The following LUC7L variants were observed in gnomAD, a reference collection of about 807,000 sequenced individuals.
LUC7L encodes putative RNA-binding protein Luc7-like 1.
A neutral mutation model predicts 51.1 loss-of-function variants in LUC7L; 29 were observed. The ratio of observed to expected loss-of-function variants is 0.57; its 90% CI spans 0.42 to 0.77. The LOEUF (loss-of-function observed/expected upper bound fraction) is 0.77, where lower values mean the gene tolerates loss of function less well. LUC7L is among the 30% of genes least tolerant of loss of function. The pLI is 0.00. For synonymous variants in LUC7L, 181 were observed against 180.7 expected (o/e 1.00, Z -0.01); for missense variants, 403 against 511.9 (o/e 0.79, Z 2.05).
chr16:216,018 T>C (rs2142096536), intron 3 of LUC7L, among the ~76,000 whole-genome samples: 1 of 152,126 alleles, frequency 6.6e-6, no homozygotes, highest in Non-Finnish European at 1.5e-5. Flanking sequence ...GTTTTTTTTT[T>C]GAGATGGGAT....
rs376022499 is a variant in LUC7L, at chr16:189,267, C to T, written c.1047G>A (p.Trp349Ter). The T allele has an allele frequency of 6.2e-7, 1 of 1,613,972 alleles. No individual in the cohort carries two copies. The highest frequency in any genetic ancestry group is 8.5e-7 in the Non-Finnish European group (1 of 1,179,996). The change falls in exon 10 of 10, where the codon TGG becomes TGA. Residue 349 changes from tryptophan to a stop codon, truncating the protein, a stop_gained. Coordinates refer to ENST00000293872, the MANE Select transcript of LUC7L (RefSeq NM_201412.3). LOFTEE classifies it high-confidence loss of function. ...TCTTCCCGTTGGAGCTCTCAAGCCT[C>T]CAGTCCGGGGGCCCTCGCTCGCTCC... ...SGRSERGPPD[W>*]RLESSNGKMA... is the part of the protein sequence containing the mutation.
rs2049551260 is a variant in LUC7L at position 208,577 on chromosome 16, G to A, written c.256-389C>T. 6 of 1,029,684 alleles carry A rather than the reference G, an allele frequency of 5.8e-6. No homozygotes were observed. In the South Asian group the frequency reaches 1.9e-4, roughly 33 times the overall value. 63.8% of individuals were successfully genotyped at this position (1,029,684 alleles called of 1,614,324 possible). ...TGGAGGCCCTCTTCTGGGGAGTTGT[G>A]AGAGATGCATATGATGTACTCACTG... On this transcript the variant is annotated intron_variant, in intron 3 of 9. Coordinates refer to ENST00000293872, the MANE Select transcript of LUC7L (RefSeq NM_201412.3).
intron 7 of LUC7L, 133 bp downstream of exon 7, chr16:192,794 G>A (rs565115845): frequency 1.5e-5 from 12 of 798,544 alleles, no homozygotes; most frequent in African/African-American, 1.4e-4. Flanking sequence ...TGAGCCGCCA[G>A]GCCTGGCCTT....
intron 5 of LUC7L, among the ~76,000 whole-genome samples, chr16:204,925 C>T (rs768681648): frequency 3.9e-5 from 6 of 152,168 alleles, no homozygotes; most frequent in Non-Finnish European, 8.8e-5. Context: ...TCACTTTTTA[C>T]TGCAGTAGGA....
At chr16:229,223 G>A in intron 1 of LUC7L, 56 bp downstream of exon 1, 1 of 1,511,212 alleles carries the variant, frequency 6.6e-7, no homozygotes, top group Non-Finnish European at 8.8e-7. Flanking sequence ...AGGCCGCCCG[G>A]CGGCCTCGCC....
chr16:202,188 C>A (rs1230383397), intron 5 of LUC7L, among the ~76,000 whole-genome samples: 3 of 152,052 alleles, frequency 2.0e-5, no homozygotes, highest in African/African-American at 7.2e-5. Flanking sequence ...CCTCCATAAG[C>A]TTTTACGCTG....
chr16:218,035 A>AG (rs2049856620), intron 3 of LUC7L, among the ~76,000 whole-genome samples: 1 of 151,504 alleles, frequency 6.6e-6, no homozygotes, highest in South Asian at 2.1e-4. Context: ...CCAAAAAAAA[A>AG]AAAAAAAATT....
intron 7 of LUC7L, among the ~76,000 whole-genome samples, chr16:190,989 T>A (rs979273739): frequency 6.6e-6 from 1 of 152,182 alleles, no homozygotes; most frequent in East Asian, 1.9e-4. Context: ...AAAGACCTGC[T>A]GTTTTCAAGC....
intron 6 of LUC7L, among the ~76,000 whole-genome samples, chr16:197,033 G>A (rs539074556): frequency 1.1e-4 from 17 of 148,580 alleles, no homozygotes; most frequent in East Asian, 6.0e-4. Flanking sequence ...TCGGCCTCCC[G>A]AGTAGCTGGG....
At chr16:219,881 A>G (rs2049917539) in intron 3 of LUC7L, among the ~76,000 whole-genome samples, 1 of 152,174 alleles carries the variant, frequency 6.6e-6, no homozygotes, top group African/African-American at 2.4e-5. Flanking sequence ...AAAAAAAAAA[A>G]AGAATTTACT....
Position 189,211 on chromosome 16 carries a change from G to A in LUC7L, c.1103C>T (p.Ala368Val). ...CGGGAGACGGGTTCAGATCTCGCCG[G>A]CCTCCTTCTCTTCTGACCTCCGTGA... ...MASRRSEEKE[A>V]GEI The change falls in exon 10 of 10, where the codon GCC becomes GTC. Residue 368 changes from alanine to valine, a missense_variant. This residue lies in a region of LUC7L where 206 missense variants were observed against 218.3 expected (regional missense o/e 0.94). Coordinates refer to ENST00000293872, the MANE Select transcript of LUC7L (RefSeq NM_201412.3). 1 of 1,613,472 alleles carries A rather than the reference G, an allele frequency of 6.2e-7. No individual in the cohort carries two copies. The highest frequency in any genetic ancestry group is 1.1e-5 in the South Asian group (1 of 90,952).
chr16:228,936 A>G, intron 1 of LUC7L: 1 of 1,389,294 alleles, frequency 7.2e-7, no homozygotes, highest in Non-Finnish European at 9.5e-7. Flanking sequence ...AGCGACCTGG[A>G]GCCCACGCTG....
At chr16:198,940 A>G (rs962767005) in intron 6 of LUC7L, 122 bp downstream of exon 6, 24 of 935,454 alleles carry the variant, frequency 2.6e-5, no homozygotes, top group Non-Finnish European at 3.5e-5. Flanking sequence ...TCGGCCTCCC[A>G]AAGTGCTGGG....
At chr16:216,844 GCCA>G (rs1478999362) in intron 3 of LUC7L, among the ~76,000 whole-genome samples, 1 of 152,012 alleles carries the variant, frequency 6.6e-6, no homozygotes, top group East Asian at 1.9e-4. Flanking sequence ...CAAGGCACAT[GCCA>G]CCACGCCTGG....
chr16:193,333 G>A (rs1282141395), intron 6 of LUC7L, among the ~76,000 whole-genome samples: 1 of 151,912 alleles, frequency 6.6e-6, no homozygotes, highest in Admixed American at 6.6e-5. Flanking sequence ...TTTTAGTAGA[G>A]ATGGGGTTTC....
At position 213,490 on chromosome 16, in the gene LUC7L, C is replaced by T. The variant is rs555121268; in HGVS notation, c.256-5302G>A. On this transcript the variant is annotated intron_variant, in intron 3 of 9. Transcript: ENST00000293872. ...TCTGAGCTCACTGCAACCTCTGCCT[C>T]CCAGGCTCAAGCAATTCCCCTGCCT... Among the ~76,000 whole-genome samples, 4 of 152,140 alleles carry T rather than the reference C, an allele frequency of 2.6e-5. No individual in the cohort carries two copies. The South Asian group carries it at 8.3e-4, about 31-fold the overall frequency.
intron 5 of LUC7L, among the ~76,000 whole-genome samples, chr16:201,242 T>TTAA (rs1491231094): frequency 5.1e-5 from 4 of 78,518 alleles, no homozygotes; most frequent in African/African-American, 2.0e-4. Flanking sequence ...GCTACATAAC[T>TTAA]AAAAAAAAAA....
At chr16:228,968 C>T (rs1338347596) in intron 1 of LUC7L, 1 of 1,427,828 alleles carries the variant, frequency 7.0e-7, no homozygotes, top group Admixed American at 2.2e-5. Context: ...CCGCCGACTC[C>T]ACAGTTCGCG....
Position 208,180 on chromosome 16 carries a change from A to G in LUC7L, c.264T>C (p.Asp88=). 1 of 1,610,418 alleles carries G rather than the reference A, an allele frequency of 6.2e-7. No homozygotes were observed. Among genetic ancestry groups the G allele is most frequent in the Middle Eastern group, 1.7e-4 (1 of 6,054 alleles). ...ATTCAGCAATAAAGGACTCCAAGTG[A>G]TCCATTGCCTAGCACGGGAAAAGCA... ...RDLFFELDAM[D]HLESFIAECD... is the part of the protein sequence containing the mutation. The change falls in exon 4 of 10, where the codon GAT becomes GAC. Residue 88 remains aspartate (D), a synonymous_variant. Transcript: ENST00000293872.
Sources: gnomAD v4.1 joint callset for allele counts (sites outside exome capture counted in the v4.1 genomes callset) on GRCh38, gnomAD v4.1.1 for gene constraint, gnomAD v4.1.1 regional missense constraint, MANE v1.5 for transcripts, NCBI Gene and HGNC (gene_info 2026-07-23, HGNC 2026-07-21) for gene names.